Variants in CDH18 observed in about 807,000 individuals in gnomAD.
CDH18 encodes the protein cadherin-18.
In CDH18, 31 loss-of-function variants were observed where a neutral mutation model predicts 67.9. The observed-to-expected ratio is 0.46, with a 90% CI of 0.34 to 0.62. CDH18 has a LOEUF of 0.62. CDH18 is among the 20% of genes least tolerant of loss of function. CDH18 has a pLI of 0.01. For synonymous variants in CDH18, 362 were observed against 347.2 expected (o/e 1.04, Z -0.48); for missense variants, 890 against 975.5 (o/e 0.91, Z 1.17).
intron 2 of CDH18, among the ~76,000 whole-genome samples, chr5:19,928,259 A>ATGC (rs1346388883): frequency 6.6e-6 from 1 of 152,192 alleles, no homozygotes; most frequent in Non-Finnish European, 1.5e-5. Flanking sequence ...TCTTCTCAAT[A>ATGC]TGCTGCTCAG....
chr5:20,337,008 C>A (rs10461760), intron 1 of CDH18, among the ~76,000 whole-genome samples: 2 of 152,202 alleles, frequency 1.3e-5, no homozygotes, highest in South Asian at 4.1e-4. Flanking sequence ...TTTACCCCTC[C>A]CATTTGGGCA....
At chr5:20,192,059 C>T (rs1486728374) in intron 2 of CDH18, among the ~76,000 whole-genome samples, 7 of 151,856 alleles carry the variant, frequency 4.6e-5, no homozygotes, top group African/African-American at 1.5e-4. Context: ...TTCTGATTGG[C>T]GTGAGATGGT....
intron 11 of CDH18, among the ~76,000 whole-genome samples, chr5:19,484,374 C>G (rs1254060942): frequency 1.3e-5 from 2 of 152,060 alleles, no homozygotes; most frequent in Non-Finnish European, 2.9e-5. Context: ...ATTCTAGAAC[C>G]CTGCTCAACA....
At chr5:20,325,087 C>A (rs10056461) in intron 1 of CDH18, among the ~76,000 whole-genome samples, 16,576 of 152,140 alleles carry the variant, frequency 0.11, 1,497 homozygotes, top group East Asian at 0.37. Context: ...TTTAAAGAAC[C>A]GAATGCTTTT....
At chr5:19,823,573 A>G (rs778130512) in intron 3 of CDH18, among the ~76,000 whole-genome samples, 1 of 152,190 alleles carries the variant, frequency 6.6e-6, no homozygotes, top group South Asian at 2.1e-4. Context: ...GAGCATAGAG[A>G]TTTATAAAAC....
At chr5:20,338,471 C>T (rs953859617) in intron 1 of CDH18, among the ~76,000 whole-genome samples, 6 of 152,176 alleles carry the variant, frequency 3.9e-5, no homozygotes, top group South Asian at 2.1e-4. Flanking sequence ...CACACTCCTC[C>T]GGCCTCTCAT....
intron 1 of CDH18, among the ~76,000 whole-genome samples, chr5:20,391,069 G>T (rs1348908309): frequency 6.6e-6 from 1 of 151,710 alleles, no homozygotes; most frequent in African/African-American, 2.4e-5. Flanking sequence ...CACCAACATG[G>T]CACATATATA....
At chr5:20,144,740 G>A (rs763129698) in intron 2 of CDH18, among the ~76,000 whole-genome samples, 4 of 152,146 alleles carry the variant, frequency 2.6e-5, no homozygotes, top group Non-Finnish European at 4.4e-5. Flanking sequence ...ACGCCAGTAA[G>A]TCAAAATGTG....
At chr5:19,556,122 A>G (rs1295637784) in intron 8 of CDH18, among the ~76,000 whole-genome samples, 1 of 152,170 alleles carries the variant, frequency 6.6e-6, no homozygotes, top group Non-Finnish European at 1.5e-5. Flanking sequence ...GAATCTGAAC[A>G]ACAGCCTGAG....
chr5:20,045,395 G>C (rs893768020), intron 2 of CDH18, among the ~76,000 whole-genome samples: 2 of 151,984 alleles, frequency 1.3e-5, no homozygotes, highest in African/African-American at 4.8e-5. Flanking sequence ...AAATGAGAAC[G>C]CAACAGTGAA....
At chr5:20,063,538 GGTATTGA>G (rs897498254) in intron 2 of CDH18, among the ~76,000 whole-genome samples, 14 of 151,850 alleles carry the variant, frequency 9.2e-5, no homozygotes, top group Non-Finnish European at 2.1e-4. Flanking sequence ...AGTCACATTG[GGTATTGA>G]CAAACATCAC....
chr5:19,766,159 G>A (rs576158384), intron 3 of CDH18, among the ~76,000 whole-genome samples: 2 of 152,234 alleles, frequency 1.3e-5, no homozygotes, highest in Admixed American at 6.5e-5. Context: ...GATCACAGGC[G>A]TCAGCCATCG....
At chr5:19,649,216 AC>A (rs1755222594) in intron 5 of CDH18, among the ~76,000 whole-genome samples, 1 of 152,170 alleles carries the variant, frequency 6.6e-6, no homozygotes, top group Non-Finnish European at 1.5e-5. Context: ...CAATTGTAGA[AC>A]AGAAATAGTC....
At chr5:20,443,414 A>C (rs1477002471) in intron 1 of CDH18, among the ~76,000 whole-genome samples, 1 of 151,704 alleles carries the variant, frequency 6.6e-6, no homozygotes, top group Admixed American at 6.6e-5. Context: ...AATATTGGTC[A>C]TTGCATGCTC....
At chr5:19,622,111 A>G (rs760677229) in intron 5 of CDH18, among the ~76,000 whole-genome samples, 3 of 152,194 alleles carry the variant, frequency 2.0e-5, no homozygotes, top group Non-Finnish European at 4.4e-5. Context: ...TAGACTTTGA[A>G]AGGATGTCTG....
intron 4 of CDH18, among the ~76,000 whole-genome samples, chr5:19,740,165 A>G (rs1768910574): frequency 6.6e-6 from 1 of 152,204 alleles, no homozygotes; most frequent in South Asian, 2.1e-4. Flanking sequence ...TCTCTCATAC[A>G]TTAAAAAGTA....
intron 1 of CDH18, among the ~76,000 whole-genome samples, chr5:20,393,526 A>T (rs1745037456): frequency 6.6e-6 from 1 of 151,936 alleles, no homozygotes; most frequent in South Asian, 2.1e-4. Flanking sequence ...ATAATAAGTA[A>T]CTCAGCAGTT....
chr5:20,046,213 T>C (rs544519881), intron 2 of CDH18, among the ~76,000 whole-genome samples: 2 of 152,134 alleles, frequency 1.3e-5, no homozygotes, highest in East Asian at 3.9e-4. Flanking sequence ...ATGGAATTTG[T>C]TGACAGATTA....
intron 1 of CDH18, among the ~76,000 whole-genome samples, chr5:20,388,690 T>C (rs1234478516): frequency 6.6e-6 from 1 of 152,204 alleles, no homozygotes; most frequent in East Asian, 1.9e-4. Flanking sequence ...TTTCCTGCTT[T>C]CTCTTGTGGG....
Sources: gnomAD v4.1 joint callset for allele counts (sites outside exome capture counted in the v4.1 genomes callset) on GRCh38, gnomAD v4.1.1 for gene constraint, MANE v1.5 for transcripts, NCBI Gene and HGNC (gene_info 2026-07-23, HGNC 2026-07-21) for gene names.